JAM2: variants seen among roughly 807,000 people sequenced by gnomAD.
JAM2 encodes junctional adhesion molecule 2, also known as junctional adhesion molecule B.
JAM2 carries 17 observed loss-of-function variants against 42.0 expected under a neutral mutation model. The observed-to-expected ratio is 0.40, with a 90% CI of 0.28 to 0.61. The LOEUF (loss-of-function observed/expected upper bound fraction) is 0.61. JAM2 is among the 20% of genes least tolerant of loss of function. The probability of loss-of-function intolerance (pLI) is 0.37; values close to 1 mark genes in which losing one functional copy is unlikely to be tolerated. For missense variants in JAM2, 319 were observed against 358.3 expected, an observed-to-expected ratio of 0.89 and a Z score of 0.89; for synonymous variants, 118 against 128.6, an observed-to-expected ratio of 0.92 and a Z score of 0.56.
intron 1 of JAM2, among the ~76,000 whole-genome samples, chr21:25,666,315 T>TTTATTATTCTTATTATTATTATTA (rs2033219906): frequency 1.4e-5 from 2 of 146,562 alleles, no homozygotes; most frequent in African/African-American, 5.1e-5. Context: ...TGTTACGGCT[T>TTTATTATTCTTATTATTATTATTA]TTATTATTAT....
In JAM2 at chr21:25,685,995, T is replaced by A. The variant is rs1310083657; in HGVS notation, c.133+2047T>A. Among the ~76,000 whole-genome samples the A allele has an allele frequency of 3.3e-5, 5 of 152,340 alleles. No homozygotes were observed. The East Asian group carries it at 9.6e-4, about 29-fold the overall frequency. On this transcript the variant is annotated intron_variant, in intron 2 of 9. Transcript: ENST00000480456. Reference sequence around the variant, plus strand: ...TATTCTTTAACCTTACATTATTTTTTAAAAAATGTATCAAGGTGAATTTCA... The same window carrying A: ...TATTCTTTAACCTTACATTATTTTTAAAAAAATGTATCAAGGTGAATTTCA...
intron 1 of JAM2, among the ~76,000 whole-genome samples, chr21:25,655,418 T>G (rs2032906963): frequency 7.2e-6 from 1 of 139,176 alleles, no homozygotes; most frequent in Admixed American, 7.7e-5. Flanking sequence ...CTTTTCACCC[T>G]ATAGGTTTAA....
chr21:25,639,837 C>T lies in JAM2; in HGVS notation c.16C>T (p.Arg6Cys). Residue 6 changes from arginine (R) to cysteine (C), a missense_variant, in exon 1 of 10, where the codon CGC (arginine) becomes TGC (cysteine). Transcript: ENST00000480456. MARRS[R>C]HRLLLLLLRY... ...CCCCGGGAAGATGGCGAGGAGGAGCCGCCACCGCCTCCTCCTGCTGCTGCT... is the reference window on the plus strand; with the variant it reads ...CCCCGGGAAGATGGCGAGGAGGAGCTGCCACCGCCTCCTCCTGCTGCTGCT... 3 of 1,587,934 alleles carry T rather than the reference C, an allele frequency of 1.9e-6. No homozygotes were observed. Among genetic ancestry groups the T allele is most frequent in the South Asian group, 2.3e-5 (2 of 86,896 alleles).
intron 5 of JAM2, among the ~76,000 whole-genome samples, chr21:25,701,419 T>C (rs1297646702): frequency 2.6e-5 from 4 of 151,452 alleles, no homozygotes; most frequent in Admixed American, 1.3e-4. Context: ...CTCCCTCTCT[T>C]CCTTCCTTTC....
At chr21:25,696,390 C>CA (rs1309523978) in intron 4 of JAM2, among the ~76,000 whole-genome samples, 1 of 151,994 alleles carries the variant, frequency 6.6e-6, no homozygotes, top group Non-Finnish European at 1.5e-5. Context: ...GAGACGGAGA[C>CA]AGAGAGGGAG....
At chr21:25,703,524 T>C (rs938889740) in intron 6 of JAM2, among the ~76,000 whole-genome samples, 1 of 152,198 alleles carries the variant, frequency 6.6e-6, no homozygotes, top group African/African-American at 2.4e-5. Context: ...AATTCATAAA[T>C]TCATTTTTTT....
intron 9 of JAM2, among the ~76,000 whole-genome samples, chr21:25,714,036 T>C (rs1159615901): frequency 2.6e-5 from 4 of 152,240 alleles, no homozygotes; most frequent in Non-Finnish European, 5.9e-5. Flanking sequence ...CTGTACATCA[T>C]AGGATGTGTA....
rs9978455 is a variant in JAM2 at position 25,670,492 on chromosome 21, T to A, written c.68-13391T>A. On this transcript the variant is annotated intron_variant, in intron 1 of 9. Coordinates refer to ENST00000480456, the MANE Select transcript of JAM2 (RefSeq NM_021219.4). ...CAGAGCAAGACCCTGTGTCAAAATT[T>A]AAAAAAAAAAAAATTGACCTTTATC... is the stretch of plus-strand genomic sequence containing the variant. Among the ~76,000 whole-genome samples the A allele has an allele frequency of 3.8e-3, 554 of 144,582 alleles. 3 individuals carry two copies. Among genetic ancestry groups the A allele is most frequent in the African/African-American group, 0.013 (496 of 39,564 alleles). The allele number at this position is 144,582 out of a possible 152,430, so 94.9% of individuals were successfully genotyped here.
chr21:25,694,176 A>G (rs972796234), intron 4 of JAM2, among the ~76,000 whole-genome samples: 1 of 152,216 alleles, frequency 6.6e-6, no homozygotes. Flanking sequence ...CCTACAATAT[A>G]CATAGGAGTA....
chr21:25,706,800 C>G (rs1226116955), intron 7 of JAM2, among the ~76,000 whole-genome samples: 1 of 152,124 alleles, frequency 6.6e-6, no homozygotes, highest in African/African-American at 2.4e-5. Flanking sequence ...AGTGCAGTAG[C>G]GCAATTTCGG....
In JAM2 at chr21:25,643,911, A is replaced by T. The variant is rs1600984000; in HGVS notation, c.67+4023A>T. 2.6e-5 allele frequency: 4 copies of T among 152,294 alleles called. No homozygotes were observed. In the East Asian group the frequency reaches 7.7e-4, roughly 29 times the overall value. The allele number at this position is 152,294 out of a possible 1,614,324, so 9.4% of individuals were successfully genotyped here. The stretch of plus-strand genomic sequence containing the variant: ...TTCCTCCTGTGGGCCTTCCTCATAG[A>T]GAAGATGTATTGGAATATAGAGGTA... On this transcript the variant is annotated intron_variant, in intron 1 of 9. Transcript: ENST00000480456.
In JAM2 at chr21:25,674,807, G is replaced by A. The variant is rs1039083051; in HGVS notation, c.68-9076G>A. On this transcript the variant is annotated intron_variant, in intron 1 of 9. Coordinates refer to ENST00000480456, the MANE Select transcript of JAM2 (RefSeq NM_021219.4). ...AGTATGGTTAGACGATAATGAGATA[G>A]ATGACCATAATATCTAGCTCCAAAT... Among the ~76,000 whole-genome samples, 4 of 151,448 alleles carry A rather than the reference G, an allele frequency of 2.6e-5. No individual in the cohort carries two copies. In the Admixed American group the frequency reaches 2.6e-4, roughly 10 times the overall value.
At chr21:25,702,840 G>T (rs2034195433) in intron 6 of JAM2, among the ~76,000 whole-genome samples, 2 of 151,694 alleles carry the variant, frequency 1.3e-5, no homozygotes, top group Non-Finnish European at 2.9e-5. Flanking sequence ...GGTTTTTTTT[G>T]TTGTTGTTTT....
intron 1 of JAM2, among the ~76,000 whole-genome samples, chr21:25,675,264 GGT>G (rs2033456446): frequency 6.6e-6 from 1 of 152,138 alleles, no homozygotes; most frequent in Admixed American, 6.5e-5. Context: ...GAGAAACTGA[GGT>G]GGGCAGATCA....
rs74370519 is a variant in JAM2, at chr21:25,688,117, C to T, written c.134-1749C>T. Among the ~76,000 whole-genome samples the T allele has an allele frequency of 2.5e-4, 38 of 152,136 alleles. 2 individuals are homozygous for T. The East Asian group carries it at 6.2e-3, about 25-fold the overall frequency. On this transcript the variant is annotated intron_variant, in intron 2 of 9. Transcript: ENST00000480456. ...ATTTCTCGACATTTTACATGGCCAG[C>T]GAGAGAGAGGCTGGAGTGAAGTCAC...
At position 25,693,837 on chromosome 21, in the gene JAM2, G is replaced by A. The variant is rs1383641309; in HGVS notation, c.323G>A (p.Arg108His). The change falls in exon 4 of 10, where the codon CGT becomes CAT. Residue 108 changes from arginine (R) to histidine (H), a missense_variant. By Grantham distance (29) the Arg-to-His change is conservative. Transcript: ENST00000480456. ...ACAAGAAGTGATGCGGGGAAATATC[G>A]TTGTGAAGTTAGTGCCCCATCTGAG... ...NVTRSDAGKY[R>H]CEVSAPSEQG... The A allele has an allele frequency of 2.5e-6, 4 of 1,613,924 alleles. No homozygotes were observed. The highest frequency in any genetic ancestry group is 1.7e-5 in the Admixed American group (1 of 60,004).
chr21:25,694,197 G>A (rs931327723), intron 4 of JAM2, among the ~76,000 whole-genome samples: 5 of 152,158 alleles, frequency 3.3e-5, no homozygotes, highest in African/African-American at 1.2e-4. Flanking sequence ...TCTTTCCTGA[G>A]AGTTTATTTT....
At chr21:25,672,429 TG>T (rs1390892940) in intron 1 of JAM2, among the ~76,000 whole-genome samples, 2 of 152,202 alleles carry the variant, frequency 1.3e-5, no homozygotes, top group African/African-American at 4.8e-5. Context: ...TTTAACCACT[TG>T]CCCAGAGCTG....
chr21:25,682,611 G>A (rs920901575), intron 1 of JAM2, among the ~76,000 whole-genome samples: 3 of 152,214 alleles, frequency 2.0e-5, no homozygotes, highest in African/African-American at 7.2e-5. Context: ...TCCACAGATG[G>A]CCTGAGTGTT....
Sources: gnomAD v4.1 joint callset for allele counts (sites outside exome capture counted in the v4.1 genomes callset) on GRCh38, gnomAD v4.1.1 for gene constraint, MANE v1.5 for transcripts, NCBI Gene and HGNC (gene_info 2026-07-23, HGNC 2026-07-21) for gene names.